GRIA1: variants seen among roughly 807,000 people sequenced by gnomAD.
The protein encoded by GRIA1 is glutamate ionotropic receptor AMPA type subunit 1.
A neutral mutation model predicts 99.2 loss-of-function variants in GRIA1; 31 were observed. The ratio of observed to expected loss-of-function variants is 0.31; its 90% CI spans 0.23 to 0.42. GRIA1 has a LOEUF of 0.42. GRIA1 is among the 10% of genes least tolerant of loss of function. The pLI, the probability that GRIA1 is intolerant of heterozygous loss-of-function variation, is 1.00. For missense variants in GRIA1, 782 were observed against 1,157.5 expected (o/e 0.68, Z 4.71); for synonymous variants, 438 against 432.4 (o/e 1.01, Z -0.16).
At chr5:153,524,245 T>A (rs1343920314) in intron 2 of GRIA1, among the ~76,000 whole-genome samples, 4 of 152,218 alleles carry the variant, frequency 2.6e-5, no homozygotes, top group Admixed American at 2.6e-4. Flanking sequence ...GAGAATTGCT[T>A]GAACCTTGGA....
At chr5:153,694,179 G>T (rs746768290) in intron 8 of GRIA1, among the ~76,000 whole-genome samples, 7 of 152,146 alleles carry the variant, frequency 4.6e-5, no homozygotes, top group Non-Finnish European at 1.0e-4. Context: ...TTAATAAGTA[G>T]TGCTAGCTTT....
At chr5:153,770,457 T>C (rs771058664) in intron 13 of GRIA1, 42 bp downstream of exon 13, 2 of 1,580,454 alleles carry the variant, frequency 1.3e-6, no homozygotes, top group South Asian at 1.1e-5. Flanking sequence ...CCCTCTCCCC[T>C]CCCTATCTCA....
chr5:153,718,002 T>C (rs1249167661), intron 11 of GRIA1, among the ~76,000 whole-genome samples: 1 of 152,182 alleles, frequency 6.6e-6, no homozygotes, highest in Non-Finnish European at 1.5e-5. Context: ...GGAGTTTGCT[T>C]TATTTTGGTT....
intron 2 of GRIA1, among the ~76,000 whole-genome samples, chr5:153,535,693 T>C (rs1271984558): frequency 6.6e-6 from 1 of 152,262 alleles, no homozygotes; most frequent in East Asian, 1.9e-4. Context: ...GGTCATTAGA[T>C]GTACATATCC....
At chr5:153,772,877 C>T (rs992046515) in intron 13 of GRIA1, among the ~76,000 whole-genome samples, 3 of 152,156 alleles carry the variant, frequency 2.0e-5, no homozygotes, top group African/African-American at 4.8e-5. Context: ...AGGACATCCA[C>T]ATAAATACAT....
chr5:153,794,288 T>G (rs1274126999), intron 13 of GRIA1, among the ~76,000 whole-genome samples: 1 of 151,810 alleles, frequency 6.6e-6, no homozygotes, highest in Non-Finnish European at 1.5e-5. Flanking sequence ...TGTATTAAAG[T>G]CCACTTTGCA....
intron 11 of GRIA1, among the ~76,000 whole-genome samples, chr5:153,729,612 T>C (rs528382452): frequency 6.6e-6 from 1 of 152,128 alleles, no homozygotes; most frequent in African/African-American, 2.4e-5. Flanking sequence ...CAAACATTTT[T>C]CTGTGCAAAA....
At position 153,656,383 on chromosome 5, in the gene GRIA1, T is replaced by TTATATATATATATATATATATATA. The variant is rs60245651; in HGVS notation, c.699+519_699+542dup. Among the ~76,000 whole-genome samples, 330 of 92,208 alleles carry TTATATATATATATATATATATATA rather than the reference T, an allele frequency of 3.6e-3. 1 individual carries two copies. Among genetic ancestry groups the TTATATATATATATATATATATATA allele is most frequent in the Middle Eastern group, 5.4e-3 (1 of 184 alleles). 60.5% of individuals were successfully genotyped at this position (92,208 alleles called of 152,430 possible). A position where few individuals can be genotyped will look rare whatever the true frequency, so the allele number is the denominator to read the frequency against. ...TTCTATATGGCATAGATAAGTTTGT[T>TTATATATATATATATATATATATA]TATATATATATATATATATATATAT... On this transcript the variant is annotated intron_variant, in intron 5 of 15. Transcript: ENST00000285900.
chr5:153,774,950 T>A (rs1179786932), intron 13 of GRIA1, among the ~76,000 whole-genome samples: 1 of 152,230 alleles, frequency 6.6e-6, no homozygotes, highest in African/African-American at 2.4e-5. Context: ...GGACAGGTGG[T>A]GTTTCTTTGA....
At chr5:153,710,588 T>A (rs1276905539) in intron 11 of GRIA1, among the ~76,000 whole-genome samples, 1 of 152,230 alleles carries the variant, frequency 6.6e-6, no homozygotes, top group Non-Finnish European at 1.5e-5. Flanking sequence ...ATAAAAATCA[T>A]CACAGACAAA....
At chr5:153,522,300 A>T (rs933360209) in intron 2 of GRIA1, among the ~76,000 whole-genome samples, 30 of 152,232 alleles carry the variant, frequency 2.0e-4, no homozygotes, top group African/African-American at 7.0e-4. Context: ...GTATCATGGC[A>T]TGTAAAGTTG....
At chr5:153,737,326 A>G (rs139403745) in intron 11 of GRIA1, among the ~76,000 whole-genome samples, 14 of 145,490 alleles carry the variant, frequency 9.6e-5, no homozygotes, top group African/African-American at 3.6e-4. Flanking sequence ...GGGATACTCC[A>G]TTTTTCCACA....
chr5:153,761,425 A>G lies in GRIA1; in HGVS notation c.1824-3009A>G, dbSNP rs144786269. Among the ~76,000 whole-genome samples, 906 of 152,332 alleles carry G rather than the reference A, an allele frequency of 5.9e-3. 14 individuals are homozygous for G. The highest frequency in any genetic ancestry group is 0.021 in the African/African-American group (861 of 41,578). ...CAGAGTGTATGAAAAAGTGCTCCAC[A>G]TCACTAATCATCAGGGAAATACAAA... On this transcript the variant is annotated intron_variant, in intron 11 of 15. Coordinates refer to ENST00000285900, the MANE Select transcript of GRIA1 (RefSeq NM_000827.4).
chr5:153,742,116 AT>A (rs1761846218), intron 11 of GRIA1, among the ~76,000 whole-genome samples: 1 of 152,128 alleles, frequency 6.6e-6, no homozygotes, highest in African/African-American at 2.4e-5. Flanking sequence ...ACGAAAAAAA[AT>A]ATGTTGCTTT....
chr5:153,499,464 A>G (rs771191555), intron 2 of GRIA1, among the ~76,000 whole-genome samples: 5 of 151,540 alleles, frequency 3.3e-5, no homozygotes, highest in Admixed American at 6.6e-5. Flanking sequence ...AAATACAAAA[A>G]CTTAGCTGGG....
intron 2 of GRIA1, among the ~76,000 whole-genome samples, chr5:153,581,630 T>C (rs1235366718): frequency 6.6e-6 from 1 of 152,122 alleles, no homozygotes; most frequent in Non-Finnish European, 1.5e-5. Flanking sequence ...GACCTTCCCC[T>C]TTGGCCCCAC....
chr5:153,612,215 G>C (rs1045696482), intron 2 of GRIA1, among the ~76,000 whole-genome samples: 4 of 152,220 alleles, frequency 2.6e-5, no homozygotes, highest in Non-Finnish European at 4.4e-5. Context: ...TATTTGAATA[G>C]ATAGGAGTGC....
chr5:153,654,550 A>G (rs1754800459), intron 4 of GRIA1, among the ~76,000 whole-genome samples: 1 of 152,184 alleles, frequency 6.6e-6, no homozygotes, highest in Non-Finnish European at 1.5e-5. Flanking sequence ...TCCCAATAGT[A>G]TTTGAGCTCC....
intron 9 of GRIA1, 85 bp from the exon 10 acceptor site, chr5:153,698,782 C>T (rs1240530516): frequency 3.5e-6 from 3 of 855,626 alleles, no homozygotes; most frequent in East Asian, 4.9e-5. Context: ...GTTAACCAAA[C>T]ATGATATTAT....
Sources: allele counts gnomAD v4.1 joint callset (sites outside exome capture counted in the v4.1 genomes callset), GRCh38; gene constraint gnomAD v4.1.1; transcripts MANE v1.5; gene names NCBI Gene and HGNC (gene_info 2026-07-23, HGNC 2026-07-21).